DLG2: variants seen among roughly 807,000 people sequenced by gnomAD.
DLG2 encodes discs large MAGUK scaffold protein 2, also known as disks large homolog 2.
DLG2 carries 45 observed loss-of-function variants against 132.5 expected under a neutral mutation model. The observed-to-expected ratio is 0.34, with a 90% CI of 0.27 to 0.44. DLG2 has a LOEUF of 0.44. Among genes scored for constraint, DLG2 ranks in the 20% least tolerant of loss-of-function variants. The pLI is 1.00. For missense variants in DLG2, 1,045 were observed against 1,196.9 expected (o/e 0.87, Z 1.87); for synonymous variants, 424 against 419.6 (o/e 1.01, Z -0.13).
At chr11:83,870,811 G>A (rs1164837020) in intron 16 of DLG2, among the ~76,000 whole-genome samples, 1 of 152,154 alleles carries the variant, frequency 6.6e-6, no homozygotes, top group African/African-American at 2.4e-5. Context: ...TCCGGGTTTG[G>A]CTAGGCAGAT....
Position 83,486,139 on chromosome 11 carries a change from G to A in DLG2, c.2194-1911C>T, listed in dbSNP as rs996241853. On this transcript the variant is annotated intron_variant, in intron 21 of 27. Coordinates refer to ENST00000376104, the MANE Select transcript of DLG2 (RefSeq NM_001142699.3). ...GTGTCCAAAAACAAGGTTGAGAACTGCCCCCAAATTTTCCTAGTTAAAAAT... is the reference window on the plus strand; with the variant it reads ...GTGTCCAAAAACAAGGTTGAGAACTACCCCCAAATTTTCCTAGTTAAAAAT... 18 of 609,940 alleles carry A rather than the reference G, an allele frequency of 3.0e-5. No homozygotes were observed. In the South Asian group the frequency reaches 3.5e-4, roughly 12 times the overall value. 37.8% of individuals were successfully genotyped at this position (609,940 alleles called of 1,614,324 possible).
chr11:85,334,247 T>C (rs925668613), intron 3 of DLG2, among the ~76,000 whole-genome samples: 2 of 152,090 alleles, frequency 1.3e-5, no homozygotes, highest in African/African-American at 4.8e-5. Flanking sequence ...TTCTGAGGAT[T>C]TTTTGTATTC....
At chr11:84,092,645 C>G (rs1469025814) in intron 10 of DLG2, among the ~76,000 whole-genome samples, 1 of 152,130 alleles carries the variant, frequency 6.6e-6, no homozygotes, top group African/African-American at 2.4e-5. Flanking sequence ...TTATCTGTGC[C>G]TTTAGTCTGC....
chr11:85,142,244 T>C (rs2076541938), intron 5 of DLG2, among the ~76,000 whole-genome samples: 1 of 151,858 alleles, frequency 6.6e-6, no homozygotes. Context: ...ACTAATGTTT[T>C]ATCGTTTTCA....
In DLG2 at chr11:83,833,638, G is replaced by T; in HGVS notation, c.1698C>A (p.Leu566=). The stretch of plus-strand genomic sequence containing the variant: ...CCGATAGGATCTGGTCTCCTCTCTG[G>T]AGCTCCCCACTTAGGTCTGCTGGTC... ...AGGPADLSGE[L]QRGDQILSVN... Residue 566 remains leucine, a synonymous_variant, in exon 17 of 28, where the codon CTC becomes CTA. Coordinates refer to ENST00000376104, the MANE Select transcript of DLG2 (RefSeq NM_001142699.3). The T allele has an allele frequency of 6.2e-7, 1 of 1,613,930 alleles. No individual in the cohort carries two copies. The highest frequency in any genetic ancestry group is 8.5e-7 in the Non-Finnish European group (1 of 1,179,912).
At chr11:84,280,727 T>C (rs2154370104) in intron 7 of DLG2, among the ~76,000 whole-genome samples, 1 of 152,192 alleles carries the variant, frequency 6.6e-6, no homozygotes, top group Middle Eastern at 3.4e-3. Flanking sequence ...AGACGGAGTC[T>C]CACTCTGTCG....
chr11:84,900,720 T>G (rs2090778690), intron 6 of DLG2, among the ~76,000 whole-genome samples: 1 of 152,050 alleles, frequency 6.6e-6, no homozygotes, highest in South Asian at 2.1e-4. Flanking sequence ...GCTCTTCAAT[T>G]CACTTTTCAC....
At chr11:84,875,331 T>C (rs2086171563) in intron 6 of DLG2, among the ~76,000 whole-genome samples, 1 of 152,028 alleles carries the variant, frequency 6.6e-6, no homozygotes, top group Non-Finnish European at 1.5e-5. Flanking sequence ...AAAAAGTAAA[T>C]AAATGATAAC....
chr11:85,201,471 C>T (rs1015364099), intron 4 of DLG2, among the ~76,000 whole-genome samples: 1 of 151,834 alleles, frequency 6.6e-6, no homozygotes, highest in Admixed American at 6.6e-5. Context: ...CTTAGGTGTT[C>T]CCCAGGTCTG....
Position 85,122,815 on chromosome 11 carries a change from A to G in DLG2, c.283-11080T>C, listed in dbSNP as rs556876204. On this transcript the variant is annotated intron_variant, in intron 5 of 27. Coordinates refer to ENST00000376104, the MANE Select transcript of DLG2 (RefSeq NM_001142699.3). ...CGAGAGTTGCAGAGTTGTGATATAC[A>G]TGCAAATTATATATATATATACACA... is the stretch of plus-strand genomic sequence containing the variant. Among the ~76,000 whole-genome samples the G allele has an allele frequency of 6.1e-4, 92 of 150,688 alleles. 1 individual carries two copies. The highest frequency in any genetic ancestry group is 1.0e-3 in the Non-Finnish European group (71 of 67,766).
At chr11:85,169,229 C>T (rs918249042) in intron 4 of DLG2, among the ~76,000 whole-genome samples, 19 of 151,766 alleles carry the variant, frequency 1.3e-4, no homozygotes, top group African/African-American at 3.4e-4. Context: ...TTAATATTTT[C>T]GATTTCAGGT....
intron 3 of DLG2, among the ~76,000 whole-genome samples, chr11:85,468,379 C>T (rs1185339479): frequency 2.6e-5 from 4 of 151,986 alleles, no homozygotes; most frequent in African/African-American, 9.7e-5. Context: ...GCTCTTGCTT[C>T]TCTAGTTCTT....
chr11:84,098,734 A>G (rs1411797505), intron 10 of DLG2, among the ~76,000 whole-genome samples, 189 bp downstream of exon 10: 1 of 152,144 alleles, frequency 6.6e-6, no homozygotes, highest in African/African-American at 2.4e-5. Context: ...CTACCAACGA[A>G]CACAAATCAA....
intron 7 of DLG2, among the ~76,000 whole-genome samples, chr11:84,468,590 T>C (rs1312763679): frequency 9.2e-5 from 14 of 151,706 alleles, no homozygotes; most frequent in Admixed American, 6.6e-4. Context: ...GTGTTTGAGA[T>C]GAGTGCCTTT....
chr11:84,807,487 A>G (rs1273426687), intron 6 of DLG2, among the ~76,000 whole-genome samples: 1 of 152,072 alleles, frequency 6.6e-6, no homozygotes, highest in Non-Finnish European at 1.5e-5. Flanking sequence ...GAATAAAACA[A>G]AAGATTTAAG....
At chr11:84,559,124 T>C (rs1046035442) in intron 6 of DLG2, among the ~76,000 whole-genome samples, 1 of 152,194 alleles carries the variant, frequency 6.6e-6, no homozygotes, top group East Asian at 1.9e-4. Context: ...TAAATAGATA[T>C]TGTATGAAGG....
At chr11:85,605,896 T>C (rs186504161) in intron 2 of DLG2, among the ~76,000 whole-genome samples, 29 of 152,140 alleles carry the variant, frequency 1.9e-4, no homozygotes, top group Non-Finnish European at 3.7e-4. Flanking sequence ...GGAAATCACT[T>C]GAACCCGGGA....
intron 4 of DLG2, among the ~76,000 whole-genome samples, chr11:85,171,549 G>A (rs2078878950): frequency 6.6e-6 from 1 of 152,188 alleles, no homozygotes. Flanking sequence ...ATTCCAGTGA[G>A]GTGGGAGATC....
intron 5 of DLG2, among the ~76,000 whole-genome samples, chr11:85,140,358 T>C (rs565607446): frequency 6.6e-6 from 1 of 152,098 alleles, no homozygotes; most frequent in East Asian, 1.9e-4. Context: ...TAGTAAACAA[T>C]TTATATGACA....
Sources: gnomAD v4.1 joint callset for allele counts (sites outside exome capture counted in the v4.1 genomes callset) on GRCh38, gnomAD v4.1.1 for gene constraint, MANE v1.5 for transcripts, NCBI Gene and HGNC (gene_info 2026-07-23, HGNC 2026-07-21) for gene names.